JAZF1: variants seen among roughly 807,000 people sequenced by gnomAD.
JAZF1 encodes juxtaposed with another zinc finger protein 1.
JAZF1 carries 8 observed loss-of-function variants against 26.4 expected under a neutral mutation model. The observed-to-expected ratio is 0.30, with a 90% confidence interval of 0.18 to 0.55. The LOEUF (loss-of-function observed/expected upper bound fraction) is 0.55. JAZF1 is among the 20% of genes least tolerant of loss of function. The probability of loss-of-function intolerance (pLI) is 0.94; values close to 1 mark genes in which losing one functional copy is unlikely to be tolerated. For synonymous variants in JAZF1, 126 were observed against 122.3 expected (o/e 1.03, Z -0.20); for missense variants, 199 against 322.0 (o/e 0.62, Z 2.92).
intron 1 of JAZF1, among the ~76,000 whole-genome samples, chr7:28,044,495 A>G (rs560910046): frequency 6.6e-6 from 1 of 152,216 alleles, no homozygotes; most frequent in African/African-American, 2.4e-5. Flanking sequence ...CTTCCTCCCA[A>G]CTGTCTGCAC....
chr7:27,930,717 C>G (rs1416839588), intron 2 of JAZF1, among the ~76,000 whole-genome samples: 1 of 152,074 alleles, frequency 6.6e-6, no homozygotes, highest in Non-Finnish European at 1.5e-5. Flanking sequence ...TGCTCTACCA[C>G]TAAGAAAATG....
intron 1 of JAZF1, among the ~76,000 whole-genome samples, chr7:28,150,560 CAT>C (rs1339081206): frequency 6.6e-6 from 1 of 152,204 alleles, no homozygotes; most frequent in Admixed American, 6.5e-5. Flanking sequence ...TTTCTCATTG[CAT>C]GAGGACCGGT....
intron 2 of JAZF1, among the ~76,000 whole-genome samples, chr7:27,973,001 C>T (rs954680772): frequency 2.0e-5 from 3 of 151,330 alleles, no homozygotes; most frequent in Non-Finnish European, 4.4e-5. Flanking sequence ...ATTTTAGGCT[C>T]GCTCTCAATT....
chr7:27,851,288 C>A (rs934252358), intron 3 of JAZF1, among the ~76,000 whole-genome samples: 1 of 152,202 alleles, frequency 6.6e-6, no homozygotes, highest in East Asian at 1.9e-4. Context: ...TACAAACACA[C>A]TCAAATTTGA....
chr7:27,859,412 G>T (rs1010160437), intron 3 of JAZF1, among the ~76,000 whole-genome samples: 2 of 152,164 alleles, frequency 1.3e-5, no homozygotes, highest in Non-Finnish European at 2.9e-5. Context: ...CTACTATAAA[G>T]ACACATGCAC....
intron 3 of JAZF1, among the ~76,000 whole-genome samples, chr7:27,858,178 T>C (rs370465714): frequency 6.6e-6 from 1 of 152,164 alleles, no homozygotes; most frequent in Non-Finnish European, 1.5e-5. Context: ...TTACAAGGGA[T>C]GTGAAAGACC....
At chr7:28,013,167 C>T (rs977252898) in intron 1 of JAZF1, among the ~76,000 whole-genome samples, 6 of 152,188 alleles carry the variant, frequency 3.9e-5, no homozygotes, top group South Asian at 2.1e-4. Flanking sequence ...AGTGCACCCC[C>T]GGTGACTCTC....
At chr7:28,099,881 T>C in intron 1 of JAZF1, among the ~76,000 whole-genome samples, 1 of 152,174 alleles carries the variant, frequency 6.6e-6, no homozygotes, top group Admixed American at 6.5e-5. Flanking sequence ...GTCTCCAAGA[T>C]TTCAGTGCTT....
chr7:27,889,985 T>G (rs1783942000), intron 3 of JAZF1, among the ~76,000 whole-genome samples: 1 of 152,128 alleles, frequency 6.6e-6, no homozygotes, highest in Non-Finnish European at 1.5e-5. Flanking sequence ...TGAAACTGGA[T>G]TTTCTCGTGT....
At chr7:28,089,296 C>T (rs1173230921) in intron 1 of JAZF1, among the ~76,000 whole-genome samples, 1 of 152,186 alleles carries the variant, frequency 6.6e-6, no homozygotes, top group African/African-American at 2.4e-5. Flanking sequence ...TCTCTCTGCA[C>T]TATTTGAAGA....
chr7:27,941,270 C>G (rs1784844238), intron 2 of JAZF1, among the ~76,000 whole-genome samples: 1 of 152,162 alleles, frequency 6.6e-6, no homozygotes, highest in African/African-American at 2.4e-5. Context: ...ACATAGCATC[C>G]CTTCCCTTTT....
At chr7:28,054,444 C>T (rs967623110) in intron 1 of JAZF1, among the ~76,000 whole-genome samples, 1 of 152,142 alleles carries the variant, frequency 6.6e-6, no homozygotes. Flanking sequence ...GAAGAGAACA[C>T]TGTACCATTA....
rs1028452861 is a variant in JAZF1, at chr7:27,875,292, C to T, written c.385+19928G>A. ...CCGCACTTCCCTGCTCTGTGATCCT[C>T]GTCCCAGCCTTACATCACTTTCCTC... On this transcript the variant is annotated intron_variant, in intron 3 of 4. Transcript: ENST00000283928. Among the ~76,000 whole-genome samples the T allele has an allele frequency of 3.9e-5, 6 of 152,288 alleles. No homozygotes were observed. The East Asian group carries it at 5.8e-4, about 15-fold the overall frequency.
At position 28,094,267 on chromosome 7, in the gene JAZF1, C is replaced by G. The variant is rs79011103; in HGVS notation, c.115+86196G>C. Among the ~76,000 whole-genome samples the G allele has an allele frequency of 8.6e-3, 1,313 of 152,296 alleles. 20 individuals are homozygous for G. The highest frequency in any genetic ancestry group is 0.03 in the African/African-American group (1,261 of 41,560). ...ATCGTTGTCTGCCTCCCCGATATCC[C>G]TTCTTCCCTTTTCCCATCAATACAG... On this transcript the variant is annotated intron_variant, in intron 1 of 4. Transcript: ENST00000283928.
chr7:27,876,519 T>A (rs1783683478), intron 3 of JAZF1, among the ~76,000 whole-genome samples: 1 of 152,178 alleles, frequency 6.6e-6, no homozygotes, highest in Non-Finnish European at 1.5e-5. Context: ...TGCTAAGTAC[T>A]TAAAGCAGAA....
At chr7:28,039,097 C>A (rs969995216) in intron 1 of JAZF1, among the ~76,000 whole-genome samples, 2 of 152,138 alleles carry the variant, frequency 1.3e-5, no homozygotes, top group Non-Finnish European at 2.9e-5. Context: ...TAAAAAGATT[C>A]ATGATTGCTC....
chr7:28,179,554 A>G (rs1783601705), intron 1 of JAZF1, among the ~76,000 whole-genome samples: 1 of 151,562 alleles, frequency 6.6e-6, no homozygotes, highest in African/African-American at 2.4e-5. Flanking sequence ...ATGCCCGGCC[A>G]TGGGCCCTGG....
chr7:28,001,405 A>G (rs1043758343), intron 1 of JAZF1, among the ~76,000 whole-genome samples: 3 of 152,150 alleles, frequency 2.0e-5, no homozygotes, highest in African/African-American at 4.8e-5. Flanking sequence ...AAAAAAACCA[A>G]TAATCTAAGA....
At chr7:28,000,622 CTTTT>C (rs1190147547) in intron 1 of JAZF1, among the ~76,000 whole-genome samples, 218 of 62,052 alleles carry the variant, frequency 3.5e-3, no homozygotes, top group African/African-American at 8.0e-3. Context: ...TTCTTTCTTT[CTTTT>C]TTTTTTTTTT....
Sources: gnomAD v4.1 joint callset for allele counts (sites outside exome capture counted in the v4.1 genomes callset) on GRCh38, gnomAD v4.1.1 for gene constraint, MANE v1.5 for transcripts, NCBI Gene and HGNC (gene_info 2026-07-23, HGNC 2026-07-21) for gene names.